The following RIPK1 variants were observed in gnomAD, a reference collection of about 807,000 sequenced individuals.
RIPK1 encodes the protein receptor interacting serine/threonine kinase 1.
Under a neutral mutation model 62.4 loss-of-function variants are expected in RIPK1, and 27 were observed. The observed-to-expected ratio is 0.43, with a 90% CI of 0.32 to 0.60. RIPK1 has a LOEUF of 0.60. Ranked by LOEUF, RIPK1 falls within the 20% of genes least tolerant of loss-of-function variation. The pLI is 0.07. For missense variants in RIPK1, 735 were observed against 831.0 expected, an observed-to-expected ratio of 0.88 and a Z score of 1.42; for synonymous variants, 287 against 303.2, an observed-to-expected ratio of 0.95 and a Z score of 0.55.
At chr6:3,100,831 G>A (rs933667018) in intron 7 of RIPK1, among the ~76,000 whole-genome samples, 5 of 152,050 alleles carry the variant, frequency 3.3e-5, no homozygotes, top group African/African-American at 1.2e-4. Flanking sequence ...GACCTCAAGC[G>A]ATCTGCTCGC....
intron 7 of RIPK1, among the ~76,000 whole-genome samples, chr6:3,102,301 T>C (rs1205510773): frequency 6.6e-6 from 1 of 152,232 alleles, no homozygotes; most frequent in Non-Finnish European, 1.5e-5. Flanking sequence ...CCTCAAACTT[T>C]GTTTCATGCA....
At chr6:3,068,418 C>A (rs2113528848), upstream of RIPK1, 1 of 985,506 alleles carries the variant, frequency 1.0e-6, no homozygotes, top group South Asian at 4.7e-5. Flanking sequence ...CGCGAGGTCC[C>A]ACGAGCGGCG....
chr6:3,066,528 T>C (rs147477489), upstream of RIPK1, among the ~76,000 whole-genome samples: 438 of 152,318 alleles, frequency 2.9e-3, 7 homozygotes, highest in East Asian at 1.3e-3. Context: ...TCTTTTTTGA[T>C]ATGTGTACAT....
intron 6 of RIPK1, among the ~76,000 whole-genome samples, chr6:3,087,731 G>A (rs1759792275): frequency 2.0e-5 from 3 of 151,936 alleles, no homozygotes; most frequent in Admixed American, 6.6e-5. Flanking sequence ...AGTAGAGACG[G>A]GGTTTCACCG....
chr6:3,077,687 C>T, intron 2 of RIPK1, 92 bp from the exon 3 acceptor site: 1 of 1,408,266 alleles, frequency 7.1e-7, no homozygotes, highest in Non-Finnish European at 9.8e-7. Flanking sequence ...AAGCATGACC[C>T]CAGCACGTGG....
At chr6:3,098,503 G>A (rs1173350114) in intron 7 of RIPK1, among the ~76,000 whole-genome samples, 1 of 152,204 alleles carries the variant, frequency 6.6e-6, no homozygotes, top group Non-Finnish European at 1.5e-5. Context: ...AGTGAAATGT[G>A]TTTATGGATG....
At chr6:3,089,491 G>C (rs189085316) in intron 6 of RIPK1, 90 bp from the exon 7 acceptor site, 23 of 705,156 alleles carry the variant, frequency 3.3e-5, no homozygotes, top group Admixed American at 2.5e-4. Context: ...CACAGATTGA[G>C]GTAAGTAATT....
chr6:3,090,326 C>T (rs1175346118), intron 7 of RIPK1, among the ~76,000 whole-genome samples: 1 of 152,086 alleles, frequency 6.6e-6, no homozygotes, highest in African/African-American at 2.4e-5. Flanking sequence ...CAAGCTACTG[C>T]CATCCATCTT....
At chr6:3,082,999 T>C in intron 4 of RIPK1, 86 bp from the exon 5 acceptor site, 2 of 1,335,678 alleles carry the variant, frequency 1.5e-6, no homozygotes, top group Non-Finnish European at 2.1e-6. Flanking sequence ...ACCTTATGTA[T>C]AATGGATAAG....
chr6:3,075,715 A>G (rs1310326283), intron 1 of RIPK1, among the ~76,000 whole-genome samples: 1 of 152,208 alleles, frequency 6.6e-6, no homozygotes, highest in Non-Finnish European at 1.5e-5. Flanking sequence ...GCTTTAGCCT[A>G]TAACCTCAGG....
Position 3,113,314 on chromosome 6 carries a change from G to A in RIPK1, c.1991G>A (p.Ser664Asn), listed in dbSNP as rs758993966. Residue 664 changes from serine to asparagine, a missense_variant, in exon 11 of 11, where the codon AGC (serine) becomes AAC (asparagine). Physicochemically the swap from Ser to Asn is conservative, Grantham distance 46 (BLOSUM62 1). Around this residue, in one of 2 missense-constraint regions of RIPK1, gnomAD observed 64 missense variants for 104.8 expected, o/e 0.61. Transcript: ENST00000259808. This position sits in a 1 kb window ranked among gnomAD's most constrained non-coding sequence, Gnocchi z 5.0. ...TGTTCCAGGATCGACCTTCTGAGCA[G>A]CTTGATTTACGTCAGCCAGAACTAA... ...HQCSRIDLLS[S>N]LIYVSQN 2.5e-5 allele frequency: 41 copies of A among 1,613,898 alleles called. No individual in the cohort carries two copies. Among genetic ancestry groups the A allele is most frequent in the Admixed American group, 3.3e-5 (2 of 60,000 alleles).
intron 9 of RIPK1, among the ~76,000 whole-genome samples, chr6:3,107,580 A>G (rs1760925088): frequency 6.6e-6 from 1 of 151,562 alleles, no homozygotes; most frequent in South Asian, 2.1e-4. Flanking sequence ...AAAAAAAAAA[A>G]AAAAAAATTC....
chr6:3,100,854 G>C (rs545245992), intron 7 of RIPK1, among the ~76,000 whole-genome samples: 61 of 151,994 alleles, frequency 4.0e-4, no homozygotes, highest in Non-Finnish European at 6.3e-4. Flanking sequence ...CGGCCTCCTA[G>C]AGTGCTGGGA....
At chr6:3,083,042 C>G (rs781331198) in intron 4 of RIPK1, 43 bp from the exon 5 acceptor site, 7 of 1,577,814 alleles carry the variant, frequency 4.4e-6, no homozygotes, top group Non-Finnish European at 6.1e-6. Context: ...GATTTGCTTA[C>G]GGCCTTCACC....
At chr6:3,082,347 CAT>C (rs1238058189) in intron 4 of RIPK1, among the ~76,000 whole-genome samples, 3 of 152,226 alleles carry the variant, frequency 2.0e-5, no homozygotes, top group African/African-American at 7.2e-5. Flanking sequence ...TTTAGGTACT[CAT>C]GTGCCACAGT....
At chr6:3,080,780 T>C (rs914378380) in intron 3 of RIPK1, among the ~76,000 whole-genome samples, 199 bp from the exon 4 acceptor site, 39 of 151,216 alleles carry the variant, frequency 2.6e-4, no homozygotes, top group African/African-American at 8.9e-4. Context: ...ACTAACAAAA[T>C]ACAACACGAA....
rs1369964530 is a variant in RIPK1 at position 3,076,752 on chromosome 6, T to C, written c.-60-12T>C. The stretch of plus-strand genomic sequence containing the variant: ...GTCTTGCCCTGAGGTTTTCTCTCTG[T>C]TTTCTTTACAGGGTACAGCTCTGCC... On this transcript the variant is annotated splice_polypyrimidine_tract_variant and intron_variant, in intron 1 of 10. Coordinates refer to ENST00000259808, the MANE Select transcript of RIPK1 (RefSeq NM_001354930.2). 3.3e-6 allele frequency: 5 copies of C among 1,505,808 alleles called. No individual in the cohort carries two copies. Among genetic ancestry groups the C allele is most frequent in the Admixed American group, 4.2e-5 (2 of 47,632 alleles). The allele number at this position is 1,505,808 out of a possible 1,614,324, so 93.3% of individuals were successfully genotyped here.
intron 7 of RIPK1, among the ~76,000 whole-genome samples, chr6:3,094,767 C>G (rs982801501): frequency 6.6e-6 from 1 of 151,938 alleles, no homozygotes; most frequent in Non-Finnish European, 1.5e-5. Flanking sequence ...AAGGCTAATA[C>G]AATAGACTAA....
Position 3,077,735 on chromosome 6 carries a change from C to A in RIPK1, c.165-44C>A, listed in dbSNP as rs543386685. 3.7e-6 allele frequency: 6 copies of A among 1,602,510 alleles called. No individual in the cohort carries two copies. In the African/African-American group the frequency reaches 8.0e-5, roughly 21 times the overall value. ...GGAGGTGTGCACCAGGCTCTTGAGG[C>A]GCTGGCTCTGCCAGCCTCAGCATAG... On this transcript the variant is annotated intron_variant, in intron 2 of 10. Transcript: ENST00000259808.
Sources: gnomAD v4.1 joint callset for allele counts (sites outside exome capture counted in the v4.1 genomes callset) on GRCh38, gnomAD v4.1.1 for gene constraint, gnomAD v4.1.1 regional missense constraint, Gnocchi (gnomAD v3.1) non-coding constraint, MANE v1.5 for transcripts, NCBI Gene and HGNC (gene_info 2026-07-23, HGNC 2026-07-21) for gene names.